SH3PXD2A: variants seen among roughly 807,000 people sequenced by gnomAD.
The protein encoded by SH3PXD2A is SH3 and PX domain-containing protein 2A.
In SH3PXD2A, 32 loss-of-function variants were observed where a neutral mutation model predicts 115.2. The observed-to-expected ratio is 0.28, with a 90% CI of 0.21 to 0.37. The LOEUF is 0.37. Among genes scored for constraint, SH3PXD2A ranks in the 10% least tolerant of loss-of-function variants. The pLI is 1.00. For missense variants in SH3PXD2A, 1,328 were observed against 1,498.7 expected (o/e 0.89, Z 1.88); for synonymous variants, 610 against 629.1 (o/e 0.97, Z 0.45).
At chr10:103,696,490 AC>A (rs1254789875) in intron 5 of SH3PXD2A, among the ~76,000 whole-genome samples, 8 of 148,552 alleles carry the variant, frequency 5.4e-5, no homozygotes, top group African/African-American at 1.7e-4. Flanking sequence ...CAACTCAAGA[AC>A]CCCCCCTCTT....
At chr10:103,836,446 A>G (rs1382735751) in intron 1 of SH3PXD2A, among the ~76,000 whole-genome samples, 1 of 151,432 alleles carries the variant, frequency 6.6e-6, no homozygotes, top group Admixed American at 6.6e-5. Context: ...CCATACACAC[A>G]TAACACATCC....
At chr10:103,763,549 G>A (rs1009732905) in intron 3 of SH3PXD2A, among the ~76,000 whole-genome samples, 2 of 152,178 alleles carry the variant, frequency 1.3e-5, no homozygotes, top group African/African-American at 4.8e-5. Flanking sequence ...GCTGCTGGGG[G>A]TGAGCCTGGG....
At chr10:103,716,726 C>G (rs1589426613) in intron 5 of SH3PXD2A, among the ~76,000 whole-genome samples, 1 of 152,200 alleles carries the variant, frequency 6.6e-6, no homozygotes, top group South Asian at 2.1e-4. Context: ...CAGATCAGCT[C>G]AGCCCTGGCC....
intron 1 of SH3PXD2A, among the ~76,000 whole-genome samples, chr10:103,813,985 A>AC (rs1248744446): frequency 6.9e-6 from 1 of 144,966 alleles, no homozygotes; most frequent in East Asian, 2.1e-4. Context: ...CATCAAAAAG[A>AC]CCACTGGACT....
intron 5 of SH3PXD2A, among the ~76,000 whole-genome samples, chr10:103,694,286 T>G (rs1592305165): frequency 1.7e-5 from 2 of 117,550 alleles, no homozygotes; most frequent in African/African-American, 3.4e-5. Flanking sequence ...GGTTGGGGGT[T>G]TGGGGGGATG....
intron 1 of SH3PXD2A, among the ~76,000 whole-genome samples, chr10:103,810,899 G>C (rs2039260750): frequency 1.1e-5 from 1 of 88,692 alleles, no homozygotes; most frequent in Admixed American, 1.3e-4. Context: ...CATACACACA[G>C]AAACATGGAC....
chr10:103,678,276 G>A (rs541122402), intron 6 of SH3PXD2A: 60 of 552,634 alleles, frequency 1.1e-4, no homozygotes, highest in Middle Eastern at 6.2e-4. Context: ...TCCCCTGAGC[G>A]CTGAGATGCC....
At chr10:103,805,414 A>G (rs1398809745) in intron 1 of SH3PXD2A, among the ~76,000 whole-genome samples, 3 of 152,196 alleles carry the variant, frequency 2.0e-5, no homozygotes, top group African/African-American at 7.2e-5. Context: ...TACAAAGGAC[A>G]CAACCTTCAG....
chr10:103,801,421 G>T, intron 1 of SH3PXD2A, 59 bp from the exon 2 acceptor site: 1 of 1,059,058 alleles, frequency 9.4e-7, no homozygotes, highest in Non-Finnish European at 1.5e-6. Context: ...TCTGTGCCAG[G>T]CATCATGTAA....
At chr10:103,626,607 A>AT (rs1367980980) in intron 9 of SH3PXD2A, among the ~76,000 whole-genome samples, 1 of 135,990 alleles carries the variant, frequency 7.4e-6, no homozygotes, top group Non-Finnish European at 1.7e-5. Flanking sequence ...GTTTGGAATT[A>AT]AAAAAAAAAA....
chr10:103,640,044 G>A (rs946031635), intron 8 of SH3PXD2A, among the ~76,000 whole-genome samples: 6 of 152,254 alleles, frequency 3.9e-5, no homozygotes, highest in Non-Finnish European at 7.3e-5. Context: ...GCCAGGCACA[G>A]TGGCTCACGC....
At chr10:103,673,444 TC>T (rs926617837) in intron 6 of SH3PXD2A, 3 of 152,016 alleles carry the variant, frequency 2.0e-5, no homozygotes, top group Non-Finnish European at 4.4e-5. Context: ...CTACCTGTGG[TC>T]CCAGCTACTC....
At chr10:103,653,338 A>G (rs1258773723) in intron 8 of SH3PXD2A, among the ~76,000 whole-genome samples, 3 of 152,162 alleles carry the variant, frequency 2.0e-5, no homozygotes, top group Non-Finnish European at 2.9e-5. Context: ...GGAGATGCTC[A>G]TGGGCTCAGT....
At chr10:103,697,050 G>GCCCA (rs2037833980) in intron 5 of SH3PXD2A, among the ~76,000 whole-genome samples, 1 of 151,984 alleles carries the variant, frequency 6.6e-6, no homozygotes, top group Admixed American at 6.6e-5. Context: ...TCCTCTCTTG[G>GCCCA]CCCCTCCCCA....
chr10:103,700,822 AGGGAACCATGGGAGGGGGAG>A (rs1394202241), intron 5 of SH3PXD2A, among the ~76,000 whole-genome samples: 1 of 152,196 alleles, frequency 6.6e-6, no homozygotes, highest in Non-Finnish European at 1.5e-5. Flanking sequence ...TGCCAGACCT[AGGGAACCATGGGAGGGGGAG>A]TGACAAAATG....
intron 3 of SH3PXD2A, chr10:103,745,945 C>T (rs2038497739): frequency 6.6e-6 from 1 of 152,342 alleles, no homozygotes; most frequent in Non-Finnish European, 1.5e-5. Flanking sequence ...TCCCCACTCC[C>T]TCTCCCACAC....
chr10:103,633,190 C>T (rs1221380594), intron 8 of SH3PXD2A, among the ~76,000 whole-genome samples: 1 of 152,074 alleles, frequency 6.6e-6, no homozygotes, highest in Non-Finnish European at 1.5e-5. Context: ...TCCAGGCAGA[C>T]GGATTGCTTG....
chr10:103,772,423 C>CT (rs933465045), intron 2 of SH3PXD2A, among the ~76,000 whole-genome samples: 1 of 152,222 alleles, frequency 6.6e-6, no homozygotes, highest in African/African-American at 2.4e-5. Flanking sequence ...CCGGGACCAC[C>CT]TTTGCAGGCA....
chr10:103,733,183 A>G, intron 4 of SH3PXD2A, among the ~76,000 whole-genome samples: 1 of 151,834 alleles, frequency 6.6e-6, no homozygotes, highest in East Asian at 1.9e-4. Flanking sequence ...TCAGGTTAGG[A>G]GGTCCCTCCT....
Sources: allele counts gnomAD v4.1 joint callset (sites outside exome capture counted in the v4.1 genomes callset), GRCh38; gene constraint gnomAD v4.1.1; transcripts MANE v1.5; gene names NCBI Gene and HGNC (gene_info 2026-07-23, HGNC 2026-07-21).